ASIC2: variants seen among roughly 807,000 people sequenced by gnomAD.
The protein encoded by ASIC2 is acid-sensing ion channel 2.
Under a neutral mutation model 57.3 loss-of-function variants are expected in ASIC2, and 25 were observed. The observed-to-expected ratio is 0.44, with a 90% CI of 0.32 to 0.61. ASIC2 has a LOEUF of 0.61. ASIC2 is among the 20% of genes least tolerant of loss of function. The probability of loss-of-function intolerance (pLI) is 0.06; values close to 1 mark genes in which losing one functional copy is unlikely to be tolerated. For missense variants in ASIC2, 641 were observed against 738.1 expected (o/e 0.87, Z 1.52); for synonymous variants, 319 against 307.5 (o/e 1.04, Z -0.39).
Position 33,902,941 on chromosome 17 carries a change from T to C in ASIC2, c.555+253037A>G, listed in dbSNP as rs539445487. Among the ~76,000 whole-genome samples, 3 of 152,350 alleles carry C rather than the reference T, an allele frequency of 2.0e-5. No individual in the cohort carries two copies. In the South Asian group the frequency reaches 6.2e-4, roughly 32 times the overall value. On this transcript the variant is annotated intron_variant, in intron 1 of 9. Transcript: ENST00000359872. Reference sequence around the variant, plus strand: ...TCTGTCACTTTCTGCATGGAATGTTTGTCCCTGCTTGCATTCCCCCTTAGT... The same window carrying C: ...TCTGTCACTTTCTGCATGGAATGTTCGTCCCTGCTTGCATTCCCCCTTAGT...
At chr17:33,595,864 C>G (rs1162535876) in intron 1 of ASIC2, among the ~76,000 whole-genome samples, 2 of 152,152 alleles carry the variant, frequency 1.3e-5, no homozygotes, top group Non-Finnish European at 2.9e-5. Context: ...GAGGCTGGGC[C>G]CAGGCCTCAG....
intron 1 of ASIC2, among the ~76,000 whole-genome samples, chr17:33,591,361 A>G (rs1904819009): frequency 6.6e-6 from 1 of 152,214 alleles, no homozygotes; most frequent in Non-Finnish European, 1.5e-5. Flanking sequence ...TCAGAATGGC[A>G]AATAGATGCC....
intron 1 of ASIC2, among the ~76,000 whole-genome samples, chr17:33,650,234 C>A (rs1906876665): frequency 6.6e-6 from 1 of 152,094 alleles, no homozygotes; most frequent in African/African-American, 2.4e-5. Flanking sequence ...ATGAAAAATG[C>A]TCGACATCAT....
chr17:33,482,742 T>C (rs985178475), intron 1 of ASIC2, among the ~76,000 whole-genome samples: 1 of 152,138 alleles, frequency 6.6e-6, no homozygotes, highest in African/African-American at 2.4e-5. Context: ...CTGCATCCTT[T>C]TCCCACACTA....
chr17:34,011,822 C>T (rs551789150), intron 1 of ASIC2, among the ~76,000 whole-genome samples: 3 of 152,330 alleles, frequency 2.0e-5, no homozygotes, highest in African/African-American at 7.2e-5. Flanking sequence ...ACCCCACTCC[C>T]CGCCCCTTCT....
chr17:33,300,523 T>C (rs1905913228), intron 1 of ASIC2, among the ~76,000 whole-genome samples: 2 of 152,356 alleles, frequency 1.3e-5, no homozygotes, highest in South Asian at 4.1e-4. Flanking sequence ...GGATGAAAGC[T>C]CTCATGTGGA....
At chr17:34,084,789 A>T (rs1910036473) in intron 1 of ASIC2, among the ~76,000 whole-genome samples, 1 of 152,168 alleles carries the variant, frequency 6.6e-6, no homozygotes, top group African/African-American at 2.4e-5. Context: ...TAGGTATTTT[A>T]TTCTCTTTGA....
chr17:33,661,137 G>A (rs9907891), intron 1 of ASIC2, among the ~76,000 whole-genome samples: 1,527 of 152,196 alleles, frequency 0.01, 21 homozygotes, highest in East Asian at 0.08. Context: ...TTACACAGCC[G>A]TACCTTCCTT....
At chr17:33,768,340 TA>T (rs1473706937) in intron 1 of ASIC2, among the ~76,000 whole-genome samples, 2 of 152,142 alleles carry the variant, frequency 1.3e-5, no homozygotes, top group Non-Finnish European at 2.9e-5. Flanking sequence ...CTCCCACATT[TA>T]AATTTAAAAT....
intron 1 of ASIC2, among the ~76,000 whole-genome samples, chr17:33,696,950 A>G (rs9909768): frequency 0.34 from 52,315 of 151,936 alleles, 10,500 homozygotes; most frequent in African/African-American, 0.57. Context: ...GGGGCCTGGC[A>G]GGAGGTGATT....
chr17:33,058,044 TA>T (rs551347786), intron 3 of ASIC2, among the ~76,000 whole-genome samples: 4 of 151,118 alleles, frequency 2.6e-5, no homozygotes, highest in African/African-American at 7.3e-5. Context: ...AACTACATAT[TA>T]AAAAAAAAGG....
At chr17:33,529,471 C>T (rs952725301) in intron 1 of ASIC2, among the ~76,000 whole-genome samples, 3 of 152,164 alleles carry the variant, frequency 2.0e-5, no homozygotes, top group Admixed American at 2.0e-4. Context: ...ATCTCAGACA[C>T]CACCCCAGAA....
At chr17:34,148,473 C>T (rs1904379776) in intron 1 of ASIC2, among the ~76,000 whole-genome samples, 1 of 152,220 alleles carries the variant, frequency 6.6e-6, no homozygotes, top group South Asian at 2.1e-4. Context: ...GTTCGCAAGA[C>T]TTCAGAGCAT....
At chr17:33,417,042 C>T (rs543100500) in intron 1 of ASIC2, among the ~76,000 whole-genome samples, 19 of 152,130 alleles carry the variant, frequency 1.2e-4, no homozygotes, top group Non-Finnish European at 2.5e-4. Flanking sequence ...GGTTCCAGTC[C>T]TCCTCTATTT....
chr17:33,405,487 C>CTTTTTTTTTTTTTTTTTTTTT (rs35049672), intron 1 of ASIC2, among the ~76,000 whole-genome samples: 1 of 135,306 alleles, frequency 7.4e-6, no homozygotes, highest in Admixed American at 7.5e-5. Context: ...TTTTTTCTTT[C>CTTTTTTTTTTTTTTTTTTTTT]TTTTTTTTTT....
intron 1 of ASIC2, among the ~76,000 whole-genome samples, chr17:33,791,374 G>T (rs946955485): frequency 6.6e-6 from 1 of 152,174 alleles, no homozygotes; most frequent in Non-Finnish European, 1.5e-5. Context: ...GTGTAAATAG[G>T]CTATCAGGTT....
intron 1 of ASIC2, among the ~76,000 whole-genome samples, chr17:33,186,258 G>A (rs982507577): frequency 1.3e-5 from 2 of 152,046 alleles, no homozygotes; most frequent in African/African-American, 2.4e-5. Flanking sequence ...TCACAGGCAT[G>A]TGCCTCCACA....
At chr17:33,618,023 C>T (rs1203443662) in intron 1 of ASIC2, among the ~76,000 whole-genome samples, 1 of 152,104 alleles carries the variant, frequency 6.6e-6, no homozygotes, top group African/African-American at 2.4e-5. Context: ...GCTCATGCTG[C>T]ACATTAGAGA....
rs944641010 is a variant in ASIC2 at position 33,741,552 on chromosome 17, G to T, written c.555+414426C>A. On this transcript the variant is annotated intron_variant, in intron 1 of 9. Transcript: ENST00000359872. ...CCTGGAGATTCCAAGGGGGCATAAA[G>T]ATAAAACAGTAGTGATGCTGGGGTG... 8.5e-5 allele frequency among the ~76,000 whole-genome samples: 13 copies of T among 152,324 alleles called. No homozygotes were observed. In the South Asian group the frequency reaches 2.5e-3, roughly 29 times the overall value.
Sources: gnomAD v4.1 joint callset for allele counts (sites outside exome capture counted in the v4.1 genomes callset) on GRCh38, gnomAD v4.1.1 for gene constraint, MANE v1.5 for transcripts, NCBI Gene and HGNC (gene_info 2026-07-23, HGNC 2026-07-21) for gene names.